Variants in ZNF710 observed in about 807,000 individuals in gnomAD.
ZNF710 encodes zinc finger protein 710.
In ZNF710, 13 loss-of-function variants were observed where a neutral mutation model predicts 50.6. The observed-to-expected ratio is 0.26, with a 90% CI of 0.17 to 0.41. The LOEUF (loss-of-function observed/expected upper bound fraction) is 0.41, where lower values mean the gene tolerates loss of function less well. Ranked by LOEUF, ZNF710 falls within the 10% of genes least tolerant of loss-of-function variation. The probability of loss-of-function intolerance (pLI) is 1.00; values close to 1 mark genes in which losing one functional copy is unlikely to be tolerated. For synonymous variants in ZNF710, 383 were observed against 397.0 expected (o/e 0.96, Z 0.42); for missense variants, 721 against 936.6 (o/e 0.77, Z 3.01).
intron 1 of ZNF710, among the ~76,000 whole-genome samples, chr15:90,008,336 T>C (rs1898189149): frequency 6.7e-6 from 1 of 150,180 alleles, no homozygotes; most frequent in Non-Finnish European, 1.5e-5. Flanking sequence ...CTTTATTATA[T>C]ACATGTAGTA....
At chr15:90,051,961 A>C (rs547684385) in intron 1 of ZNF710, among the ~76,000 whole-genome samples, 2 of 152,128 alleles carry the variant, frequency 1.3e-5, no homozygotes, top group Non-Finnish European at 2.9e-5. Context: ...GGTGGAGGAC[A>C]GGTCTGCTGG....
chr15:90,024,532 G>T (rs1898717298), intron 1 of ZNF710, among the ~76,000 whole-genome samples: 1 of 152,232 alleles, frequency 6.6e-6, no homozygotes, highest in Non-Finnish European at 1.5e-5. Context: ...TCCCAGTAAT[G>T]GCAGTAGATG....
In ZNF710 at chr15:90,062,526, CG is replaced by C. The variant is rs924855333; in HGVS notation, c.-28-4582del. Among the ~76,000 whole-genome samples the C allele has an allele frequency of 1.1e-4, 16 of 151,580 alleles. No homozygotes were observed. Among genetic ancestry groups the C allele is most frequent in the Admixed American group, 8.5e-4 (13 of 15,254 alleles). On this transcript the variant is annotated intron_variant, in intron 1 of 4. Coordinates refer to ENST00000268154, the MANE Select transcript of ZNF710 (RefSeq NM_198526.4). The surrounding 1 kb of genome is among the most constrained non-coding windows in gnomAD (Gnocchi z 5.6). ...GGAGGGGCCCCAGTGGGGCCCCAGG[CG>C]GATGACAGAGGGGCCTTGGGTTGGG...
chr15:90,055,759 G>C (rs2151512652), intron 1 of ZNF710, among the ~76,000 whole-genome samples: 1 of 152,350 alleles, frequency 6.6e-6, no homozygotes, highest in East Asian at 1.9e-4. Flanking sequence ...CAAACAGTCT[G>C]GTGGGAGAGC....
At chr15:90,003,284 T>C (rs1454960048) in intron 1 of ZNF710, among the ~76,000 whole-genome samples, 1 of 152,156 alleles carries the variant, frequency 6.6e-6, no homozygotes, top group Non-Finnish European at 1.5e-5. Context: ...TGAGCACCTT[T>C]CTTGCTGTGC....
chr15:90,073,368 G>C, intron 3 of ZNF710, 106 bp downstream of exon 3: 1 of 1,344,922 alleles, frequency 7.4e-7, no homozygotes, highest in Non-Finnish European at 1.0e-6. Context: ...GCCAGTGCGG[G>C]CAAGAGGAGC....
Position 90,059,502 on chromosome 15 carries a change from G to C in ZNF710, c.-28-7608G>C, listed in dbSNP as rs1291662059. Among the ~76,000 whole-genome samples the C allele has an allele frequency of 6.6e-6, 1 of 152,132 alleles. No individual in the cohort carries two copies. Among genetic ancestry groups the C allele is most frequent in the Non-Finnish European group, 1.5e-5 (1 of 68,022 alleles). The stretch of plus-strand genomic sequence containing the variant: ...GCGCATCACGGGGGTTTGTGGGTTG[G>C]TGGCCCTGTGTCAGGGGCCCAGCCA... On this transcript the variant is annotated intron_variant, in intron 1 of 4. Coordinates refer to ENST00000268154, the MANE Select transcript of ZNF710 (RefSeq NM_198526.4). This position sits in a 1 kb window ranked among gnomAD's most constrained non-coding sequence, Gnocchi z 4.1.
At position 90,008,428 on chromosome 15, in the gene ZNF710, A is replaced by G. The variant is rs183021754; in HGVS notation, c.-29+6814A>G. Among the ~76,000 whole-genome samples the G allele has an allele frequency of 2.7e-3, 333 of 124,440 alleles. 3 individuals carry two copies. The highest frequency in any genetic ancestry group is 5.1e-3 in the African/African-American group (146 of 28,528). The allele number at this position is 124,440 out of a possible 152,430, so 81.6% of individuals were successfully genotyped here. A position where few individuals can be genotyped will look rare whatever the true frequency, so the allele number is the denominator to read the frequency against. ...AGTATACGTGTGTGTGTGTGTGTGTATATATATATATACATATATATATAT... is the reference window on the plus strand; with the variant it reads ...AGTATACGTGTGTGTGTGTGTGTGTGTATATATATATACATATATATATAT... On this transcript the variant is annotated intron_variant, in intron 1 of 4. Coordinates refer to ENST00000268154, the MANE Select transcript of ZNF710 (RefSeq NM_198526.4).
chr15:90,008,465 T>TATATATAC (rs1567218501), intron 1 of ZNF710, among the ~76,000 whole-genome samples: 1 of 137,276 alleles, frequency 7.3e-6, no homozygotes, highest in African/African-American at 3.3e-5. Context: ...TATATATATA[T>TATATATAC]ACATGAAGTA....
intron 1 of ZNF710, among the ~76,000 whole-genome samples, chr15:90,039,396 G>C (rs542270563): frequency 3.7e-4 from 57 of 152,286 alleles, no homozygotes; most frequent in African/African-American, 1.4e-3. Context: ...GCCATGCCCA[G>C]GTCCACTATC....
At chr15:90,025,351 A>G (rs2151478975) in intron 1 of ZNF710, 2 of 152,244 alleles carry the variant, frequency 1.3e-5, no homozygotes, top group Non-Finnish European at 2.9e-5. Context: ...CTGTGACCAA[A>G]CCTTGGGCAA....
chr15:90,033,882 T>C (rs1314218065), intron 1 of ZNF710, among the ~76,000 whole-genome samples: 3 of 152,176 alleles, frequency 2.0e-5, no homozygotes, highest in Non-Finnish European at 4.4e-5. Flanking sequence ...GCCCACTGAC[T>C]TTCTTTCTTT....
At chr15:90,057,237 C>G (rs1243806860) in intron 1 of ZNF710, among the ~76,000 whole-genome samples, 4 of 152,100 alleles carry the variant, frequency 2.6e-5, no homozygotes, top group Admixed American at 2.6e-4. Flanking sequence ...TCTGTATGAA[C>G]TGCCCTAGAT....
intron 1 of ZNF710, among the ~76,000 whole-genome samples, chr15:90,024,563 T>C (rs566730138): frequency 6.6e-6 from 1 of 152,356 alleles, no homozygotes; most frequent in East Asian, 1.9e-4. Flanking sequence ...GGAGCGCAGG[T>C]GGCTGCAAGG....
chr15:90,047,499 C>G (rs956976419), intron 1 of ZNF710, among the ~76,000 whole-genome samples: 11 of 152,278 alleles, frequency 7.2e-5, no homozygotes, highest in African/African-American at 2.6e-4. Context: ...AAGTCCATTT[C>G]TACGCCTCAC....
At chr15:90,055,383 G>A (rs1406285526) in intron 1 of ZNF710, among the ~76,000 whole-genome samples, 1 of 152,160 alleles carries the variant, frequency 6.6e-6, no homozygotes, top group Admixed American at 6.5e-5. Context: ...AAAGAACATC[G>A]ATGAAGTCCA....
At chr15:90,019,187 C>CTTTTTTTTTTTTTTTTTTTTTTTT (rs11285838) in intron 1 of ZNF710, among the ~76,000 whole-genome samples, 5 of 89,388 alleles carry the variant, frequency 5.6e-5, no homozygotes, top group African/African-American at 8.9e-5. Flanking sequence ...CTTTTTCTTT[C>CTTTTTTTTTTTTTTTTTTTTTTTT]TTTTTTTTTT....
At chr15:90,008,649 C>T (rs192225940) in intron 1 of ZNF710, among the ~76,000 whole-genome samples, 5 of 150,914 alleles carry the variant, frequency 3.3e-5, no homozygotes, top group Admixed American at 6.6e-5. Flanking sequence ...GTCGGTGGCA[C>T]GTGTAGCTGT....
At chr15:90,002,019 CGCG>C (rs755847079) in intron 1 of ZNF710, among the ~76,000 whole-genome samples, 9 of 146,696 alleles carry the variant, frequency 6.1e-5, no homozygotes, top group Admixed American at 6.7e-5. Flanking sequence ...AGGAAAGCGT[CGCG>C]GCGGCGGCGG....
Sources: allele counts gnomAD v4.1 joint callset (sites outside exome capture counted in the v4.1 genomes callset), GRCh38; gene constraint gnomAD v4.1.1; non-coding constraint Gnocchi (gnomAD v3.1); transcripts MANE v1.5; gene names NCBI Gene and HGNC (gene_info 2026-07-23, HGNC 2026-07-21).